QTRT1: variants seen among roughly 807,000 people sequenced by gnomAD.
The protein encoded by QTRT1 is queuine tRNA-ribosyltransferase catalytic subunit 1.
A neutral mutation model predicts 44.0 loss-of-function variants in QTRT1; 41 were observed. The observed-to-expected ratio is 0.93, with a 90% CI of 0.73 to 1.21. QTRT1 has a LOEUF of 1.21. Among genes scored for constraint, QTRT1 ranks in the 50% most tolerant of loss-of-function variants. The probability of loss-of-function intolerance (pLI) is 0.00; values close to 1 mark genes in which losing one functional copy is unlikely to be tolerated. For synonymous variants in QTRT1, 226 were observed against 237.1 expected (o/e 0.95, Z 0.43); for missense variants, 542 against 575.8 (o/e 0.94, Z 0.60).
rs2068718081 is a variant in QTRT1, at chr19:10,707,276, T to A, written c.452-26T>A. 2.5e-6 allele frequency: 4 copies of A among 1,613,274 alleles called. No homozygotes were observed. In the African/African-American group the frequency reaches 5.3e-5, roughly 22 times the overall value. ...CCCCAAGCATTGCGGGCTTTCCCAG[T>A]GATGTTGCCCCCATCTCACCATCAG... On this transcript the variant is annotated intron_variant, in intron 3 of 9. Transcript: ENST00000250237.
At chr19:10,706,305 T>C (rs370125836) in intron 3 of QTRT1, among the ~76,000 whole-genome samples, 4 of 151,730 alleles carry the variant, frequency 2.6e-5, no homozygotes, top group African/African-American at 9.7e-5. Context: ...GGATTATAGG[T>C]CATCAAGTTT....
At chr19:10,705,840 CTTTT>C (rs71164114) in intron 3 of QTRT1, among the ~76,000 whole-genome samples, 1 of 37,700 alleles carries the variant, frequency 2.7e-5, no homozygotes, top group African/African-American at 1.1e-4. Context: ...CTGGCCTGTT[CTTTT>C]TTTTTTTTTT....
chr19:10,710,032 A>G (rs549369162), intron 5 of QTRT1, among the ~76,000 whole-genome samples: 2 of 152,048 alleles, frequency 1.3e-5, no homozygotes, highest in South Asian at 4.2e-4. Flanking sequence ...AAAAAAGAAA[A>G]TTAGCACGCA....
chr19:10,713,331 A>G lies in QTRT1; in HGVS notation c.*61A>G. 2 of 1,568,514 alleles carry G rather than the reference A, an allele frequency of 1.3e-6. No individual in the cohort carries two copies. The highest frequency in any genetic ancestry group is 2.7e-5 in the African/African-American group (2 of 74,162). On this transcript the variant is annotated 3_prime_UTR_variant, in exon 10 of 10. Coordinates refer to ENST00000250237, the MANE Select transcript of QTRT1 (RefSeq NM_031209.3). The surrounding 1 kb of genome is among the most constrained non-coding windows in gnomAD (Gnocchi z 4.3). Reference sequence around the variant, plus strand: ...GGGAGGGGCTGGAAGATACTGAAGGATTCCTTTTTGAAAGGTTTTTTTTAT... The same window carrying G: ...GGGAGGGGCTGGAAGATACTGAAGGGTTCCTTTTTGAAAGGTTTTTTTTAT...
chr19:10,703,950 A>G (rs917127668), intron 3 of QTRT1, among the ~76,000 whole-genome samples: 12 of 151,818 alleles, frequency 7.9e-5, no homozygotes, highest in African/African-American at 2.7e-4. Context: ...GCCTCAAGCA[A>G]TTCTCCTGCC....
Position 10,712,990 on chromosome 19 carries a change from G to C in QTRT1, c.1009G>C (p.Asp337His). 1 of 1,612,458 alleles carries C rather than the reference G, an allele frequency of 6.2e-7. No homozygotes were observed. Among genetic ancestry groups the C allele is most frequent in the Admixed American group, 1.7e-5 (1 of 60,006 alleles). The change falls in exon 9 of 10, where the codon GAC becomes CAC. Residue 337 changes from aspartate to histidine, a missense_variant. Transcript: ENST00000250237. The surrounding 1 kb of genome is among the most constrained non-coding windows in gnomAD (Gnocchi z 5.6). ...CTTCCTGCACGCACTGCTGCACAGT[G>C]ACAACACGGCCGCGCTGCACCACCT... ...RAFLHALLHS[D>H]NTAALHHLTV...
rs2068720273 is a variant in QTRT1, at chr19:10,707,607, G to A, written c.638G>A (p.Cys213Tyr). Reference protein sequence around the residue: ...GGLDADLRATCLEEMTKRDVP... With the variant: ...GGLDADLRATYLEEMTKRDVP... ...CTGGACGCAGATCTCCGGGCCACCT[G>A]CCTTGAAGGTAGAGCCATGCGCTGG... The change falls in exon 5 of 10, where the codon TGC (cysteine) becomes TAC (tyrosine). Residue 213 changes from cysteine (C) to tyrosine (Y), a missense_variant. Cys to Tyr is a radical substitution (Grantham distance 194). Coordinates refer to ENST00000250237, the MANE Select transcript of QTRT1 (RefSeq NM_031209.3). The A allele has an allele frequency of 1.2e-6, 2 of 1,602,702 alleles. No individual in the cohort carries two copies. Among genetic ancestry groups the A allele is most frequent in the Non-Finnish European group, 8.5e-7 (1 of 1,174,726 alleles).
chr19:10,705,599 A>G (rs112739873), intron 3 of QTRT1, among the ~76,000 whole-genome samples: 8,435 of 145,956 alleles, frequency 0.058, 319 homozygotes, highest in African/African-American at 0.11. Flanking sequence ...ACTGTGGTGC[A>G]ATCTCGGCTC....
Position 10,708,139 on chromosome 19 carries a change from A to G in QTRT1, c.646+524A>G, listed in dbSNP as rs200533057. ...GCCACCAGGCCCGGCTAATTTTTGT[A>G]TTTTTAGTAGAGACAGGGTTTCACC... On this transcript the variant is annotated intron_variant, in intron 5 of 9. Transcript: ENST00000250237. Among the ~76,000 whole-genome samples, 13 of 151,350 alleles carry G rather than the reference A, an allele frequency of 8.6e-5. No individual in the cohort carries two copies. In the East Asian group the frequency reaches 2.3e-3, roughly 27 times the overall value.
At chr19:10,702,759 CTTTTTTTTT>C (rs34948949) in intron 3 of QTRT1, among the ~76,000 whole-genome samples, 1 of 68,482 alleles carries the variant, frequency 1.5e-5, no homozygotes, top group Non-Finnish European at 2.7e-5. Context: ...CAATATCCTT[CTTTTTTTTT>C]TTTTTTTTTT....
Position 10,712,909 on chromosome 19 carries a change from G to A in QTRT1, c.971+42G>A. ...TGGGAGCTGGGGCAGGGCATGGAGGGGACAGGGCCTGGCCGTGCTGAGCTG... is the reference window on the plus strand; with the variant it reads ...TGGGAGCTGGGGCAGGGCATGGAGGAGACAGGGCCTGGCCGTGCTGAGCTG... On this transcript the variant is annotated intron_variant, in intron 8 of 9. Coordinates refer to ENST00000250237, the MANE Select transcript of QTRT1 (RefSeq NM_031209.3). The surrounding 1 kb of genome is among the most constrained non-coding windows in gnomAD (Gnocchi z 5.6). 6.2e-7 allele frequency: 1 copy of A among 1,612,702 alleles called. No homozygotes were observed. Among genetic ancestry groups the A allele is most frequent in the Non-Finnish European group, 8.5e-7 (1 of 1,179,224 alleles).
intron 5 of QTRT1, chr19:10,709,221 C>T (rs888446896): frequency 6.6e-6 from 1 of 152,234 alleles, no homozygotes; most frequent in African/African-American, 2.4e-5. Flanking sequence ...CCTCAATTTC[C>T]TCTTGTTTCA....
intron 3 of QTRT1, 51 bp from the exon 4 acceptor site, chr19:10,707,251 C>T (rs2068717921): frequency 6.3e-7 from 1 of 1,586,968 alleles, no homozygotes; most frequent in Admixed American, 1.7e-5. Flanking sequence ...GGCAGGCTTT[C>T]CCCAAGCATT....
chr19:10,706,404 G>A (rs1356112101), intron 3 of QTRT1, among the ~76,000 whole-genome samples: 1 of 152,018 alleles, frequency 6.6e-6, no homozygotes, highest in Non-Finnish European at 1.5e-5. Flanking sequence ...ACGGTGTCTC[G>A]CTCTGTCGCC....
At position 10,707,521 on chromosome 19, in the gene QTRT1, G is replaced by C; in HGVS notation, c.552G>C (p.Arg184=). 1.9e-6 allele frequency: 3 copies of C among 1,613,078 alleles called. No individual in the cohort carries two copies. Among genetic ancestry groups the C allele is most frequent in the Non-Finnish European group, 2.5e-6 (3 of 1,179,370 alleles). The stretch of plus-strand genomic sequence containing the variant: ...GCAGGTCAATCCGCTGGCTGGACCG[G>C]TGCATTGCAGCCCATCAGCGGCCGG... ...AMYRSIRWLD[R]CIAAHQRPDK... The change falls in exon 5 of 10, where the codon CGG becomes CGC. Residue 184 remains arginine (R), a synonymous_variant. Transcript: ENST00000250237.
chr19:10,710,629 A>G (rs1237328725), intron 5 of QTRT1, among the ~76,000 whole-genome samples: 1 of 151,546 alleles, frequency 6.6e-6, no homozygotes, highest in East Asian at 2.0e-4. Context: ...TTATTTTTTA[A>G]ATTTTACTTT....
chr19:10,712,605 T>C lies in QTRT1; in HGVS notation c.838T>C (p.Cys280Arg). Residue 280 changes from cysteine (C) to arginine (R), a missense_variant, in exon 7 of 10, where the codon TGC becomes CGC. Cys to Arg is a radical substitution (Grantham distance 180, BLOSUM62 -3). Coordinates refer to ENST00000250237, the MANE Select transcript of QTRT1 (RefSeq NM_031209.3). The surrounding 1 kb of genome is among the most constrained non-coding windows in gnomAD (Gnocchi z 5.6). ...CVALGCDMFD[C>R]VFPTRTARFG... ...GGCTCTTGGATGTGACATGTTCGAC[T>C]GCGTCTTCCCCACACGGACAGCGGT... 3 of 1,610,678 alleles carry C rather than the reference T, an allele frequency of 1.9e-6. No homozygotes were observed. The highest frequency in any genetic ancestry group is 2.5e-6 in the Non-Finnish European group (3 of 1,179,340).
At chr19:10,703,112 G>T (rs967916630) in intron 3 of QTRT1, among the ~76,000 whole-genome samples, 1 of 136,520 alleles carries the variant, frequency 7.3e-6, no homozygotes, top group African/African-American at 2.8e-5. Flanking sequence ...GCCCAGGCTG[G>T]AGTGCAATGG....
intron 3 of QTRT1, among the ~76,000 whole-genome samples, chr19:10,705,485 C>T (rs534975034): frequency 1.3e-5 from 2 of 150,950 alleles, no homozygotes; most frequent in African/African-American, 4.9e-5. Context: ...GTGATCCACC[C>T]GTCTCGGCCT....
Sources: allele counts gnomAD v4.1 joint callset (sites outside exome capture counted in the v4.1 genomes callset), GRCh38; gene constraint gnomAD v4.1.1; non-coding constraint Gnocchi (gnomAD v3.1); transcripts MANE v1.5; gene names NCBI Gene and HGNC (gene_info 2026-07-23, HGNC 2026-07-21).